The following ZNF638 variants were observed in gnomAD, a reference collection of about 807,000 sequenced individuals.
ZNF638 encodes zinc finger protein 638, also known as CTCL tumor antigen se33-1.
ZNF638 carries 46 observed loss-of-function variants against 195.6 expected under a neutral mutation model. That is an observed-to-expected ratio of 0.24 (90% CI 0.19 to 0.30). The LOEUF is 0.30. Ranked by LOEUF, ZNF638 falls within the 10% of genes least tolerant of loss-of-function variation. The pLI is 1.00. For synonymous variants in ZNF638, 845 were observed against 772.0 expected (o/e 1.09, Z -1.57); for missense variants, 2,440 against 2,325.3 (o/e 1.05, Z -1.01).
intron 25 of ZNF638, among the ~76,000 whole-genome samples, chr2:71,429,682 G>A (rs1332576476): frequency 1.3e-5 from 2 of 152,164 alleles, no homozygotes; most frequent in African/African-American, 4.8e-5. Flanking sequence ...CCATGGAACT[G>A]AATGTATTTT....
At chr2:71,367,299 C>T (rs1331764692) in intron 6 of ZNF638, among the ~76,000 whole-genome samples, 1 of 151,692 alleles carries the variant, frequency 6.6e-6, no homozygotes, top group South Asian at 2.1e-4. Flanking sequence ...CGCTTTCTCA[C>T]CCAGGCTGGA....
At chr2:71,404,117 A>G (rs557721285) in intron 17 of ZNF638, 119 bp downstream of exon 17, 2 of 1,014,878 alleles carry the variant, frequency 2.0e-6, no homozygotes, top group Non-Finnish European at 2.9e-6. Context: ...ACACTGAGAA[A>G]GCTTCTTCCT....
At position 71,331,806 on chromosome 2, in the gene ZNF638, G is replaced by A; in HGVS notation, c.-272G>A. The A allele has an allele frequency of 1.0e-6, 1 of 986,096 alleles. No homozygotes were observed. The highest frequency in any genetic ancestry group is 4.7e-5 in the South Asian group (1 of 21,294). The allele number at this position is 986,096 out of a possible 1,614,324, so 61.1% of individuals were successfully genotyped here. A position where few individuals can be genotyped will look rare whatever the true frequency, so the allele number is the denominator to read the frequency against. ...TGGAGGCGGTAGCGTTTTCGGCGTC[G>A]AGACTGGAGGCTGAGTGCTAAACTG... On this transcript the variant is annotated 5_prime_UTR_variant, in exon 1 of 28. Transcript: ENST00000264447.
In ZNF638 at chr2:71,365,714, TTTAA is replaced by T. The variant is rs750288929; in HGVS notation, c.1995+14_1995+17del. 2.8e-4 allele frequency: 445 copies of T among 1,592,194 alleles called. 3 individuals are homozygous for T. In the Middle Eastern group the frequency reaches 4.0e-3, roughly 14 times the overall value. ...GTTTCTCTCCAGCGAAAGGTAATTCTTTAATTAATAATTATTTTTAGAGATAAGG... is the reference window on the plus strand; with the variant it reads ...GTTTCTCTCCAGCGAAAGGTAATTCTTTAATAATTATTTTTAGAGATAAGG... On this transcript the variant is annotated intron_variant, in intron 6 of 27. Transcript: ENST00000264447.
intron 1 of ZNF638, among the ~76,000 whole-genome samples, chr2:71,346,040 T>C (rs1405667956): frequency 1.3e-5 from 2 of 152,240 alleles, no homozygotes; most frequent in Non-Finnish European, 2.9e-5. Context: ...AGTACATTTT[T>C]GCCTTTAAGG....
At chr2:71,429,092 G>A in intron 25 of ZNF638, 1 of 155,654 alleles carries the variant, frequency 6.4e-6, no homozygotes, top group Non-Finnish European at 1.4e-5. Context: ...TATTGTATTG[G>A]GTATCCTTCA....
chr2:71,374,363 A>G (rs2079378535), intron 8 of ZNF638, among the ~76,000 whole-genome samples: 1 of 152,208 alleles, frequency 6.6e-6, no homozygotes, highest in South Asian at 2.1e-4. Context: ...TGTTGTGGCA[A>G]TACTATGTGG....
chr2:71,405,774 GTCT>G (rs2080093809), intron 18 of ZNF638, 132 bp downstream of exon 18: 1 of 694,032 alleles, frequency 1.4e-6, no homozygotes, highest in Non-Finnish European at 2.4e-6. Flanking sequence ...TGTCAGATGG[GTCT>G]TCTTGGTAAC....
chr2:71,421,412 A>G (rs2080430636), intron 21 of ZNF638, among the ~76,000 whole-genome samples: 1 of 152,184 alleles, frequency 6.6e-6, no homozygotes, highest in South Asian at 2.1e-4. Context: ...CACAATGGAT[A>G]GAATATATAT....
intron 8 of ZNF638, among the ~76,000 whole-genome samples, chr2:71,373,295 T>C (rs1046628074): frequency 1.3e-4 from 17 of 131,916 alleles, no homozygotes; most frequent in African/African-American, 5.0e-4. Flanking sequence ...TCTTTTCCTA[T>C]TTTATTATTG....
chr2:71,351,890 G>C (rs147724472), intron 2 of ZNF638, among the ~76,000 whole-genome samples: 1 of 152,126 alleles, frequency 6.6e-6, no homozygotes, highest in Non-Finnish European at 1.5e-5. Flanking sequence ...AGAGATTTCT[G>C]TCTTGATTTC....
At chr2:71,355,588 C>A (rs111333904) in intron 2 of ZNF638, 131 bp from the exon 3 acceptor site, 3 of 627,840 alleles carry the variant, frequency 4.8e-6, no homozygotes, top group Non-Finnish European at 8.0e-6. Context: ...TTTTACTGAG[C>A]AGCCAAATGC....
intron 10 of ZNF638, among the ~76,000 whole-genome samples, chr2:71,389,426 A>C (rs972120771): frequency 6.6e-6 from 1 of 152,214 alleles, no homozygotes; most frequent in Non-Finnish European, 1.5e-5. Context: ...ATAGCAGACA[A>C]CTTCTGTTTG....
At chr2:71,353,536 A>G (rs1044736316) in intron 2 of ZNF638, among the ~76,000 whole-genome samples, 1 of 152,206 alleles carries the variant, frequency 6.6e-6, no homozygotes, top group Non-Finnish European at 1.5e-5. Context: ...TAGAGAGTCT[A>G]GAAGTTGGGG....
intron 2 of ZNF638, among the ~76,000 whole-genome samples, chr2:71,353,047 C>T (rs190147179): frequency 3.3e-5 from 5 of 149,910 alleles, no homozygotes; most frequent in African/African-American, 1.2e-4. Flanking sequence ...TACACACTGC[C>T]TCTCGTTTCT....
chr2:71,395,286 A>G, intron 10 of ZNF638: 1 of 717,310 alleles, frequency 1.4e-6, no homozygotes, highest in Admixed American at 2.0e-5. Flanking sequence ...GCTACGCCTG[A>G]CAAACCTGCT....
intron 2 of ZNF638, among the ~76,000 whole-genome samples, chr2:71,352,701 G>A (rs2078963250): frequency 1.3e-5 from 2 of 152,074 alleles, no homozygotes; most frequent in South Asian, 4.1e-4. Context: ...TAAGTTTGTT[G>A]ATAAGTGAAG....
intron 2 of ZNF638, among the ~76,000 whole-genome samples, chr2:71,353,954 A>C (rs1295450672): frequency 6.6e-6 from 1 of 152,244 alleles, no homozygotes; most frequent in Admixed American, 6.5e-5. Flanking sequence ...AACAGGATGT[A>C]CAAACATTTC....
intron 1 of ZNF638, among the ~76,000 whole-genome samples, chr2:71,347,506 G>T (rs956724771): frequency 6.6e-6 from 1 of 152,176 alleles, no homozygotes; most frequent in Non-Finnish European, 1.5e-5. Flanking sequence ...GACAGTGATG[G>T]TTAGCAAATA....
Sources: allele counts gnomAD v4.1 joint callset (sites outside exome capture counted in the v4.1 genomes callset), GRCh38; gene constraint gnomAD v4.1.1; transcripts MANE v1.5; gene names NCBI Gene and HGNC (gene_info 2026-07-23, HGNC 2026-07-21).